The following FANCM variants were observed in gnomAD, a reference collection of about 807,000 sequenced individuals.
The protein encoded by FANCM is Fanconi anemia group M protein.
In FANCM, 140 loss-of-function variants were observed where a neutral mutation model predicts 199.5. The ratio of observed to expected loss-of-function variants is 0.70; its 90% CI spans 0.61 to 0.81. FANCM has a LOEUF of 0.81. FANCM is among the 30% of genes least tolerant of loss of function. The pLI is 0.00. For missense variants in FANCM, 2,410 were observed against 2,421.4 expected, an observed-to-expected ratio of 1.00 and a Z score of 0.10; for synonymous variants, 840 against 836.8, an observed-to-expected ratio of 1.00 and a Z score of -0.07.
chr14:45,145,628 A>T (rs929075287), intron 3 of FANCM, among the ~76,000 whole-genome samples: 1 of 152,194 alleles, frequency 6.6e-6, no homozygotes, highest in African/African-American at 2.4e-5. Flanking sequence ...TCCATGATTC[A>T]AGATTGTGTT....
intron 18 of FANCM, 32 bp from the exon 19 acceptor site, chr14:45,187,749 G>T (rs752842723): frequency 3.0e-6 from 3 of 1,002,702 alleles, no homozygotes. Flanking sequence ...AAATAATTTT[G>T]CTAATTTATC....
intron 2 of FANCM, chr14:45,138,057 C>T (rs1320475619): frequency 2.0e-5 from 3 of 151,536 alleles, no homozygotes; most frequent in Non-Finnish European, 4.4e-5. Flanking sequence ...TTAGGGGGAA[C>T]GTGGAAAGAT....
chr14:45,190,562 C>G (rs2139302302), intron 20 of FANCM, among the ~76,000 whole-genome samples: 1 of 152,176 alleles, frequency 6.6e-6, no homozygotes, highest in Admixed American at 6.5e-5. Context: ...GACCAACACC[C>G]TCCGCCCCAA....
intron 22 of FANCM, 108 bp from the exon 23 acceptor site, chr14:45,199,762 T>G: frequency 1.3e-5 from 12 of 949,680 alleles, no homozygotes; most frequent in African/African-American, 1.6e-5. Context: ...GGATAATGCT[T>G]GAGATGATTT....
In FANCM at chr14:45,136,141, G is replaced by C. The variant is rs1160400578; in HGVS notation, c.110G>C (p.Ser37Thr). The change falls in exon 1 of 23, where the codon AGC (serine) becomes ACC (threonine). Residue 37 changes from serine (S) to threonine (T), a missense_variant. By Grantham distance (58) the Ser-to-Thr change is moderately conservative. Coordinates refer to ENST00000267430, the MANE Select transcript of FANCM (RefSeq NM_020937.4). ...ACTGAGCGACCTCAGAGCCCTGGCA[G>C]CTCCAAGGCGCCTTTGCCAGCAGCA... Reference protein sequence around the residue: ...SGTERPQSPGSSKAPLPAAAE... With the variant: ...SGTERPQSPGTSKAPLPAAAE... 1 of 1,614,204 alleles carries C rather than the reference G, an allele frequency of 6.2e-7. No homozygotes were observed. Among genetic ancestry groups the C allele is most frequent in the Non-Finnish European group, 8.5e-7 (1 of 1,180,038 alleles).
chr14:45,189,862 G>A (rs916352642), intron 20 of FANCM, among the ~76,000 whole-genome samples: 3 of 151,932 alleles, frequency 2.0e-5, no homozygotes, highest in Admixed American at 6.6e-5. Flanking sequence ...CACCTACTTG[G>A]GAGGTTGAGG....
In FANCM at chr14:45,167,032, G is replaced by A. The variant is rs752201784; in HGVS notation, c.1871G>A (p.Arg624Lys). The stretch of plus-strand genomic sequence containing the variant: ...AGGCAGGTCCTTCATTTTTACCAAA[G>A]AAGTCCACGAATGGTTCCTGATGGA... Reference protein sequence around the residue: ...SNRQVLHFYQRSPRMVPDGIN... With the variant: ...SNRQVLHFYQKSPRMVPDGIN... The change falls in exon 11 of 23, where the codon AGA becomes AAA. Residue 624 changes from arginine to lysine, a missense_variant. Transcript: ENST00000267430. 6.8e-6 allele frequency: 11 copies of A among 1,611,752 alleles called. No individual in the cohort carries two copies. The highest frequency in any genetic ancestry group is 9.3e-6 in the Non-Finnish European group (11 of 1,177,926).
intron 14 of FANCM, among the ~76,000 whole-genome samples, chr14:45,178,068 G>A (rs928276139): frequency 2.0e-5 from 3 of 152,120 alleles, no homozygotes; most frequent in African/African-American, 2.4e-5. Flanking sequence ...TACTCCTTAT[G>A]TTAAAAGCTG....
In FANCM at chr14:45,170,698, A is replaced by G. The variant is rs988329058; in HGVS notation, c.2112A>G (p.Thr704=). 6.2e-7 allele frequency: 1 copy of G among 1,611,070 alleles called. No individual in the cohort carries two copies. The highest frequency in any genetic ancestry group is 2.2e-5 in the East Asian group (1 of 44,780). Residue 704 remains threonine (T), a synonymous_variant, in exon 12 of 23, where the codon ACA becomes ACG. Transcript: ENST00000267430. ...ACAGTGATGAAATTAAAGAGATAAC[A>G]TTGCCTCAAGTTCAGTTTTCTTCTT... ...LRDSDEIKEI[T]LPQVQFSSLQ...
chr14:45,151,524 T>C lies in FANCM; in HGVS notation c.1046T>C (p.Ile349Thr), dbSNP rs150185654. ...TTTAGGAAAAACCCATCTCCGAATA[T>C]TGTGGTAGGTATTTTTAAATAAATT... ...DQFRKNPSPNIVGIQQGIIEG... is the reference protein window; with the variant it reads ...DQFRKNPSPNTVGIQQGIIEG... The change falls in exon 5 of 23, where the codon ATT (isoleucine) becomes ACT (threonine). Residue 349 changes from isoleucine (I) to threonine (T), a missense_variant. By Grantham distance (89) the Ile-to-Thr change is moderately conservative. Transcript: ENST00000267430. 61 of 1,611,176 alleles carry C rather than the reference T, an allele frequency of 3.8e-5. No individual in the cohort carries two copies. The Admixed American group carries it at 9.8e-4, about 26-fold the overall frequency.
chr14:45,152,022 T>C (rs1045675874), intron 5 of FANCM, among the ~76,000 whole-genome samples: 4 of 151,148 alleles, frequency 2.6e-5, no homozygotes, highest in African/African-American at 9.7e-5. Context: ...ATTTTACCTT[T>C]TAACTTTTTC....
rs1887060432 is a variant in FANCM at position 45,154,736 on chromosome 14, A to G, written c.1223A>G (p.Asp408Gly). The stretch of plus-strand genomic sequence containing the variant: ...AAAAATGAACTTGGCCGAAATGAAG[A>G]CTTCATGAAACTCTATAATCATCTA... ...RSKNELGRNE[D>G]FMKLYNHLEC... is the part of the protein sequence containing the mutation. Residue 408 changes from aspartate (D) to glycine (G), a missense_variant, in exon 7 of 23, where the codon GAC becomes GGC. Transcript: ENST00000267430. The G allele has an allele frequency of 6.9e-6, 11 of 1,602,428 alleles. No individual in the cohort carries two copies. Among genetic ancestry groups the G allele is most frequent in the Non-Finnish European group, 9.4e-6 (11 of 1,171,782 alleles).
At chr14:45,181,584 C>G (rs1282436615) in intron 15 of FANCM, 53 bp from the exon 16 acceptor site, 1 of 1,531,316 alleles carries the variant, frequency 6.5e-7, no homozygotes, top group Non-Finnish European at 9.0e-7. Context: ...CCTTTTATAC[C>G]TTGGGCTTCT....
intron 20 of FANCM, among the ~76,000 whole-genome samples, chr14:45,190,558 C>G (rs1052313371): frequency 1.1e-4 from 16 of 152,048 alleles, no homozygotes; most frequent in African/African-American, 3.9e-4. Context: ...ATTTGACCAA[C>G]ACCCTCCGCC....
Position 45,148,828 on chromosome 14 carries a change from T to A in FANCM, c.760-9T>A. 6.3e-7 allele frequency: 1 copy of A among 1,592,726 alleles called. No homozygotes were observed. Among genetic ancestry groups the A allele is most frequent in the Admixed American group, 1.7e-5 (1 of 59,780 alleles). Reference sequence around the variant, plus strand: ...TAGTTTATAATCATACTTAATTGATTTCATATAGGCTGTGCAACAAGTTAT... The same window carrying A: ...TAGTTTATAATCATACTTAATTGATATCATATAGGCTGTGCAACAAGTTAT... On this transcript the variant is annotated splice_polypyrimidine_tract_variant and intron_variant, in intron 3 of 22. Coordinates refer to ENST00000267430, the MANE Select transcript of FANCM (RefSeq NM_020937.4).
chr14:45,166,538 G>A (rs1450445702), intron 10 of FANCM, among the ~76,000 whole-genome samples: 1 of 152,092 alleles, frequency 6.6e-6, no homozygotes. Flanking sequence ...TCAGCACCTT[G>A]GGAGGCCAAA....
rs148871932 is a variant in FANCM, at chr14:45,175,503, A to G, written c.2749A>G (p.Ile917Val). The change falls in exon 14 of 23, where the codon ATT (isoleucine) becomes GTT (valine). Residue 917 changes from isoleucine (I) to valine (V), a missense_variant. Ile to Val is a conservative substitution (Grantham distance 29). Transcript: ENST00000267430. ...CACATGTACTATTAATGAAAATGTTATTAAAGAACCGTGTGTGTTATTAAC... is the reference window on the plus strand; with the variant it reads ...CACATGTACTATTAATGAAAATGTTGTTAAAGAACCGTGTGTGTTATTAAC... The part of the protein sequence containing the change: ...AATCTINENV[I>V]KEPCVLLTEC... 2,810 of 1,613,004 alleles carry G rather than the reference A, an allele frequency of 1.7e-3. 39 individuals carry two copies. In the Admixed American group the frequency reaches 0.029, roughly 17 times the overall value.
chr14:45,182,026 A>G (rs1566773696), intron 16 of FANCM, among the ~76,000 whole-genome samples: 1 of 152,222 alleles, frequency 6.6e-6, no homozygotes, highest in Admixed American at 6.5e-5. Flanking sequence ...TGCTGGAGAT[A>G]CTCTCAAGAA....
intron 8 of FANCM, among the ~76,000 whole-genome samples, chr14:45,156,387 CAG>C (rs1887191588): frequency 6.6e-6 from 1 of 152,104 alleles, no homozygotes; most frequent in Non-Finnish European, 1.5e-5. Context: ...CAAAACCAAA[CAG>C]AGGTATTTGT....
Sources: allele counts gnomAD v4.1 joint callset (sites outside exome capture counted in the v4.1 genomes callset), GRCh38; gene constraint gnomAD v4.1.1; transcripts MANE v1.5; gene names NCBI Gene and HGNC (gene_info 2026-07-23, HGNC 2026-07-21).